The following ALPK3 variants were observed in gnomAD, a reference collection of about 807,000 sequenced individuals.
The protein encoded by ALPK3 is alpha-protein kinase 3.
ALPK3 carries 102 observed loss-of-function variants against 140.0 expected under a neutral mutation model. The observed-to-expected ratio is 0.73, with a 90% confidence interval of 0.62 to 0.86. The LOEUF (loss-of-function observed/expected upper bound fraction) is 0.86. Ranked by LOEUF, ALPK3 falls within the 40% of genes least tolerant of loss-of-function variation. The probability of loss-of-function intolerance (pLI) is 0.00; values close to 1 mark genes in which losing one functional copy is unlikely to be tolerated. For missense variants in ALPK3, 2,254 were observed against 2,208.2 expected (o/e 1.02, Z -0.42); for synonymous variants, 938 against 898.5 (o/e 1.04, Z -0.79).
Position 84,856,579 on chromosome 15 carries a change from G to A in ALPK3, c.1841G>A (p.Gly614Glu). Residue 614 changes from glycine to glutamate, a missense_variant, in exon 6 of 14, where the codon GGG becomes GAG. Transcript: ENST00000258888. ...AGCAAGAAGAATGTGCAGGCAGATG[G>A]GAAGATACAAGTGGATGGAAGGACC... Reference protein sequence around the residue: ...TGSKKNVQADGKIQVDGRTRG... With the variant: ...TGSKKNVQADEKIQVDGRTRG... The A allele has an allele frequency of 1.2e-6, 2 of 1,614,172 alleles. No homozygotes were observed. The highest frequency in any genetic ancestry group is 8.5e-7 in the Non-Finnish European group (1 of 1,180,034).
At chr15:84,867,265 G>T in intron 12 of ALPK3, 52 bp from the exon 13 acceptor site, 1 of 1,592,214 alleles carries the variant, frequency 6.3e-7, no homozygotes, top group Non-Finnish European at 8.6e-7. Flanking sequence ...GAGATGTGGG[G>T]GCTTAGAGCC....
In ALPK3 at chr15:84,818,973, C is replaced by T. The variant is rs28705264; in HGVS notation, c.143+1378C>T. Among the ~76,000 whole-genome samples the T allele has an allele frequency of 5.0e-3, 767 of 152,242 alleles. 7 individuals carry two copies. The highest frequency in any genetic ancestry group is 0.014 in the African/African-American group (566 of 41,532). On this transcript the variant is annotated intron_variant, in intron 1 of 13. Transcript: ENST00000258888. ...TCTGGGCTTTGCCTCCTGTGTTTGG[C>T]CTTTGTCAATACCAGTGGAACAAAC...
At chr15:84,837,676 C>T (rs758484026) in intron 3 of ALPK3, among the ~76,000 whole-genome samples, 14 of 152,166 alleles carry the variant, frequency 9.2e-5, no homozygotes, top group Non-Finnish European at 1.8e-4. Context: ...ATTGGTAAGT[C>T]CAGAGGGGCT....
rs761439750 is a variant in ALPK3 at position 84,839,001 on chromosome 15, C to A, written c.326C>A (p.Thr109Asn). The A allele has an allele frequency of 1.2e-4, 194 of 1,613,978 alleles. No individual in the cohort carries two copies. Among genetic ancestry groups the A allele is most frequent in the Non-Finnish European group, 1.6e-4 (189 of 1,179,998 alleles). ...TCAGGATACCCAGAGCCAGAGGTGACCTGGTACAAGGATGATACGGAGCTG... is the reference window on the plus strand; with the variant it reads ...TCAGGATACCCAGAGCCAGAGGTGAACTGGTACAAGGATGATACGGAGCTG... ...IVTGYPEPEV[T>N]WYKDDTELDR... Residue 109 changes from threonine to asparagine, a missense_variant, in exon 4 of 14, where the codon ACC (threonine) becomes AAC (asparagine). Transcript: ENST00000258888.
intron 3 of ALPK3, among the ~76,000 whole-genome samples, chr15:84,832,745 T>C (rs1041555567): frequency 6.6e-6 from 1 of 152,242 alleles, no homozygotes; most frequent in African/African-American, 2.4e-5. Flanking sequence ...ACTGTGCTGA[T>C]GACAAAACCA....
At position 84,858,026 on chromosome 15, in the gene ALPK3, C is replaced by G; in HGVS notation, c.3288C>G (p.Ser1096=). The part of the protein sequence containing the change: ...EGASEGEGEV[S]PEGPGLLGAS... ...CCAGTGAGGGTGAAGGAGAGGTTTC[C>G]CCTGAGGGGCCTGGCCTCCTGGGGG... is the stretch of plus-strand genomic sequence containing the variant. The change falls in exon 6 of 14, where the codon TCC becomes TCG. Residue 1096 remains serine, a synonymous_variant. Coordinates refer to ENST00000258888, the MANE Select transcript of ALPK3 (RefSeq NM_020778.5). 2 of 1,580,058 alleles carry G rather than the reference C, an allele frequency of 1.3e-6. No homozygotes were observed. The highest frequency in any genetic ancestry group is 1.7e-6 in the Non-Finnish European group (2 of 1,164,522).
intron 1 of ALPK3, among the ~76,000 whole-genome samples, chr15:84,822,037 C>T (rs983541223): frequency 6.6e-6 from 1 of 151,922 alleles, no homozygotes; most frequent in Non-Finnish European, 1.5e-5. Context: ...CCCTACCAAC[C>T]CAGTTAAGGA....
chr15:84,841,821 G>A (rs1201479565), intron 5 of ALPK3, among the ~76,000 whole-genome samples: 1 of 152,240 alleles, frequency 6.6e-6, no homozygotes, highest in Admixed American at 6.5e-5. Context: ...GGCTTGGGGG[G>A]CATTATTTCA....
chr15:84,847,208 G>GAGAGAGAGAGA lies in ALPK3; in HGVS notation c.1653+6276_1653+6277insAGAGAGAGAGA, dbSNP rs373039929. Among the ~76,000 whole-genome samples the GAGAGAGAGAGA allele has an allele frequency of 6.9e-3, 805 of 116,614 alleles. 48 individuals carry two copies. The highest frequency in any genetic ancestry group is 0.012 in the South Asian group (36 of 3,112). The allele number at this position is 116,614 out of a possible 152,430, so 76.5% of individuals were successfully genotyped here. On this transcript the variant is annotated intron_variant, in intron 5 of 13. Coordinates refer to ENST00000258888, the MANE Select transcript of ALPK3 (RefSeq NM_020778.5). ...GAGAGAGGAAGGGAGGGAGAAACGGGGAGAGAGAGAGAGAGAGAGAGAGAG... is the reference window on the plus strand; with the variant it reads ...GAGAGAGGAAGGGAGGGAGAAACGGGAGAGAGAGAGAGAGAGAGAGAGAGAGAGAGAGAGAG...
intron 9 of ALPK3, among the ~76,000 whole-genome samples, chr15:84,862,421 G>A (rs1297620911): frequency 6.6e-6 from 1 of 152,058 alleles, no homozygotes; most frequent in Non-Finnish European, 1.5e-5. Context: ...CATGGGTACC[G>A]CTAGATGGCA....
At chr15:84,843,467 G>T (rs1963690381) in intron 5 of ALPK3, among the ~76,000 whole-genome samples, 1 of 152,126 alleles carries the variant, frequency 6.6e-6, no homozygotes, top group Non-Finnish European at 1.5e-5. Flanking sequence ...AGAGCCCATG[G>T]TCTCAAGAGT....
intron 3 of ALPK3, among the ~76,000 whole-genome samples, chr15:84,834,824 A>G (rs886161800): frequency 6.6e-6 from 1 of 152,268 alleles, no homozygotes; most frequent in Non-Finnish European, 1.5e-5. Flanking sequence ...GACATGCACA[A>G]ATGCACAGCT....
In ALPK3 at chr15:84,860,029, G is replaced by A; in HGVS notation, c.4094-8G>A. ...GAAGGCACTGCTTTCTTCTTTTTCT[G>A]TATCTAGTGTTGTCAGGATTCATCT... is the stretch of plus-strand genomic sequence containing the variant. On this transcript the variant is annotated splice_region_variant and splice_polypyrimidine_tract_variant and intron_variant, in intron 8 of 13. Coordinates refer to ENST00000258888, the MANE Select transcript of ALPK3 (RefSeq NM_020778.5). 6.2e-7 allele frequency: 1 copy of A among 1,614,076 alleles called. No individual in the cohort carries two copies. The highest frequency in any genetic ancestry group is 8.5e-7 in the Non-Finnish European group (1 of 1,180,010).
At chr15:84,850,561 T>C (rs543226679) in intron 5 of ALPK3, among the ~76,000 whole-genome samples, 1 of 152,016 alleles carries the variant, frequency 6.6e-6, no homozygotes, top group Non-Finnish European at 1.5e-5. Flanking sequence ...ATATTTTGTT[T>C]TTTTTTTGTA....
At chr15:84,842,119 C>T (rs992724160) in intron 5 of ALPK3, among the ~76,000 whole-genome samples, 1 of 152,166 alleles carries the variant, frequency 6.6e-6, no homozygotes, top group Non-Finnish European at 1.5e-5. Context: ...CTGCAGCCTC[C>T]GGCTCCCGGG....
intron 12 of ALPK3, among the ~76,000 whole-genome samples, chr15:84,866,802 C>G (rs1964007943): frequency 6.6e-6 from 1 of 152,156 alleles, no homozygotes; most frequent in Non-Finnish European, 1.5e-5. Flanking sequence ...TTTGTCTGGA[C>G]AGACTACTGA....
At position 84,872,950 on chromosome 15, in the gene ALPK3, T is replaced by C. The variant is rs1964091048; in HGVS notation, c.*4494T>C. 6.6e-6 allele frequency: 1 copy of C among 152,248 alleles called. No homozygotes were observed. Among genetic ancestry groups the C allele is most frequent in the Non-Finnish European group, 1.5e-5 (1 of 68,040 alleles). The allele number at this position is 152,248 out of a possible 1,614,324, so 9.4% of individuals were successfully genotyped here. On this transcript the variant is annotated 3_prime_UTR_variant, in exon 14 of 14. Transcript: ENST00000258888. Reference sequence around the variant, plus strand: ...ACAGAACTGTTGGCCCAGAAGTCTTTAGTTAAGGTCATTACTAGGCCATAT... The same window carrying C: ...ACAGAACTGTTGGCCCAGAAGTCTTCAGTTAAGGTCATTACTAGGCCATAT...
intron 2 of ALPK3, 115 bp downstream of exon 2, chr15:84,823,483 C>A: frequency 1.7e-6 from 2 of 1,192,684 alleles, no homozygotes; most frequent in Non-Finnish European, 2.5e-6. Context: ...GAGGGGAGAG[C>A]TGGAGGGTGG....
chr15:84,820,540 G>A (rs1241320864), intron 1 of ALPK3, among the ~76,000 whole-genome samples: 1 of 152,028 alleles, frequency 6.6e-6, no homozygotes, highest in Non-Finnish European at 1.5e-5. Context: ...GAGTGCAGTG[G>A]CGTGATCTCT....
Sources: gnomAD v4.1 joint callset for allele counts (sites outside exome capture counted in the v4.1 genomes callset) on GRCh38, gnomAD v4.1.1 for gene constraint, MANE v1.5 for transcripts, NCBI Gene and HGNC (gene_info 2026-07-23, HGNC 2026-07-21) for gene names.